Variants in DOCK4 observed in about 807,000 individuals in gnomAD.
DOCK4 encodes the protein dedicator of cytokinesis 4.
A neutral mutation model predicts 268.1 loss-of-function variants in DOCK4; 97 were observed. That is an observed-to-expected ratio of 0.36 (90% CI 0.31 to 0.43). The LOEUF (loss-of-function observed/expected upper bound fraction) is 0.43, where lower values mean the gene tolerates loss of function less well. Among genes scored for constraint, DOCK4 ranks in the 20% least tolerant of loss-of-function variants. DOCK4 has a pLI of 1.00. For synonymous variants in DOCK4, 954 were observed against 887.2 expected (o/e 1.08, Z -1.34); for missense variants, 2,145 against 2,455.7 (o/e 0.87, Z 2.67).
At chr7:112,039,374 G>T (rs1265383072) in intron 1 of DOCK4, among the ~76,000 whole-genome samples, 14 of 72,910 alleles carry the variant, frequency 1.9e-4, no homozygotes, top group African/African-American at 5.8e-4. Context: ...GATTTCATAT[G>T]GGGGGGGGGG....
At chr7:111,788,894 C>T (rs1799349453) in intron 31 of DOCK4, 147 bp from the exon 32 acceptor site, 2 of 706,116 alleles carry the variant, frequency 2.8e-6, no homozygotes, top group Non-Finnish European at 2.5e-6. Flanking sequence ...TAGCAGGCAA[C>T]CCTTTGGAAT....
chr7:111,889,103 A>G (rs1172032727), intron 16 of DOCK4, among the ~76,000 whole-genome samples: 4 of 152,156 alleles, frequency 2.6e-5, no homozygotes, highest in Non-Finnish European at 4.4e-5. Context: ...GCTAGGACTA[A>G]GTCTACCTAT....
At chr7:111,850,928 CACTT>C (rs1156658520) in intron 23 of DOCK4, among the ~76,000 whole-genome samples, 1 of 152,202 alleles carries the variant, frequency 6.6e-6, no homozygotes, top group East Asian at 1.9e-4. Context: ...ACGCGTGTAA[CACTT>C]ACCATCCTCA....
At chr7:111,953,244 T>C (rs906717527) in intron 8 of DOCK4, among the ~76,000 whole-genome samples, 10 of 147,104 alleles carry the variant, frequency 6.8e-5, no homozygotes, top group Non-Finnish European at 1.0e-4. Context: ...GTTTGAAGAG[T>C]GTGAGGATAA....
chr7:111,851,977 T>TC (rs1804609475), intron 23 of DOCK4, among the ~76,000 whole-genome samples: 1 of 149,400 alleles, frequency 6.7e-6, no homozygotes, highest in African/African-American at 2.5e-5. Flanking sequence ...TTTTTTTTTT[T>TC]TCTTGAGACA....
At chr7:111,935,291 T>C (rs186892986) in intron 12 of DOCK4, 42 of 495,844 alleles carry the variant, frequency 8.5e-5, no homozygotes, top group African/African-American at 5.7e-4. Flanking sequence ...GAAGACTTGG[T>C]ACCAAAGAAC....
At chr7:111,872,844 G>C (rs563960133) in intron 17 of DOCK4, among the ~76,000 whole-genome samples, 3 of 152,066 alleles carry the variant, frequency 2.0e-5, no homozygotes, top group Admixed American at 6.6e-5. Context: ...CTGAAATCTC[G>C]AGCTAACTGT....
chr7:111,855,352 G>C (rs1265080639), intron 23 of DOCK4, among the ~76,000 whole-genome samples: 1 of 152,132 alleles, frequency 6.6e-6, no homozygotes, highest in Non-Finnish European at 1.5e-5. Context: ...AAGCTACAGA[G>C]GCACGTGAGG....
intron 16 of DOCK4, among the ~76,000 whole-genome samples, chr7:111,891,735 C>T (rs1471125232): frequency 1.3e-5 from 2 of 152,178 alleles, no homozygotes; most frequent in Non-Finnish European, 2.9e-5. Context: ...TTTCCCTTAA[C>T]CTTGCTCTCC....
At chr7:111,817,633 CT>C (rs1801654452) in intron 27 of DOCK4, among the ~76,000 whole-genome samples, 2 of 152,164 alleles carry the variant, frequency 1.3e-5, no homozygotes, top group Admixed American at 6.5e-5. Flanking sequence ...ACCTAGCAAC[CT>C]TGCATGCAAT....
chr7:111,841,999 C>T (rs1803735169), intron 25 of DOCK4, among the ~76,000 whole-genome samples: 1 of 152,212 alleles, frequency 6.6e-6, no homozygotes, highest in African/African-American at 2.4e-5. Context: ...TGTTTGCTTG[C>T]CATTATAACT....
intron 16 of DOCK4, among the ~76,000 whole-genome samples, chr7:111,882,170 A>AAAATATCTCATATACCCCAT (rs1807446473): frequency 6.6e-6 from 1 of 152,230 alleles, no homozygotes. Context: ...TGCTTATACC[A>AAAATATCTCATATACCCCAT]AAATATCTCA....
At chr7:111,773,134 T>C (rs1732811261) in intron 36 of DOCK4, among the ~76,000 whole-genome samples, 2 of 152,166 alleles carry the variant, frequency 1.3e-5, no homozygotes, top group African/African-American at 4.8e-5. Context: ...TTTTGAGAAG[T>C]GTATTACAAG....
Position 112,206,186 on chromosome 7 carries a change from T to C in DOCK4, c.-48A>G. 1 of 1,546,152 alleles carries C rather than the reference T, an allele frequency of 6.5e-7. No individual in the cohort carries two copies. Among genetic ancestry groups the C allele is most frequent in the Non-Finnish European group, 8.8e-7 (1 of 1,140,986 alleles). On this transcript the variant is annotated 5_prime_UTR_variant, in exon 1 of 53. Transcript: ENST00000428084. The stretch of plus-strand genomic sequence containing the variant: ...TCAGGCTTTGTAATCCCCGCGCCCC[T>C]TCTCCGGCTCACAACAATGCACAGT...
At chr7:112,077,224 G>A (rs935402944) in intron 1 of DOCK4, among the ~76,000 whole-genome samples, 2 of 151,862 alleles carry the variant, frequency 1.3e-5, no homozygotes, top group Non-Finnish European at 2.9e-5. Context: ...ACAATTACGT[G>A]GTAAATTAAG....
chr7:111,803,005 G>A (rs973364731), intron 30 of DOCK4, among the ~76,000 whole-genome samples: 8 of 152,032 alleles, frequency 5.3e-5, no homozygotes, highest in Non-Finnish European at 1.2e-4. Context: ...ACCTAAAAAA[G>A]AAATAAAAAT....
Position 111,769,579 on chromosome 7 carries a change from G to T in DOCK4, c.3778C>A (p.Arg1260Ser). 6.2e-7 allele frequency: 1 copy of T among 1,613,774 alleles called. No individual in the cohort carries two copies. The highest frequency in any genetic ancestry group is 8.5e-7 in the Non-Finnish European group (1 of 1,179,810). ...ATGGTGAGGTGCAGGTGCTCTTTGC[G>T]CTGCCATTCTGTTTGCATGGGGTAG... ...LTYPMQTEWQ[R>S]KEHLHLTIIQ... The change falls in exon 37 of 53, where the codon CGC becomes AGC. Residue 1260 changes from arginine to serine, a missense_variant. Around this residue, in one of 2 missense-constraint regions of DOCK4, gnomAD observed 1,598 missense variants for 1,986.7 expected, o/e 0.80. Coordinates refer to ENST00000428084, the MANE Select transcript of DOCK4 (RefSeq NM_001363540.2).
intron 1 of DOCK4, among the ~76,000 whole-genome samples, chr7:112,140,602 CA>C (rs35430125): frequency 0.35 from 37,628 of 108,152 alleles, 5,403 homozygotes; most frequent in East Asian, 0.49. Flanking sequence ...TGCTCCCCGA[CA>C]AAAAAAAAAA....
At chr7:111,792,567 GA>G (rs1799622598) in intron 30 of DOCK4, among the ~76,000 whole-genome samples, 1 of 152,130 alleles carries the variant, frequency 6.6e-6, no homozygotes, top group African/African-American at 2.4e-5. Context: ...ATTTTTAGTA[GA>G]GACGGGGTTT....
Sources: allele counts gnomAD v4.1 joint callset (sites outside exome capture counted in the v4.1 genomes callset), GRCh38; gene constraint gnomAD v4.1.1; regional missense constraint gnomAD v4.1.1; transcripts MANE v1.5; gene names NCBI Gene and HGNC (gene_info 2026-07-23, HGNC 2026-07-21).